Variants in VAMP1 observed in about 807,000 individuals in gnomAD.
VAMP1 encodes the protein vesicle associated membrane protein 1.
In VAMP1, 16 loss-of-function variants were observed where a neutral mutation model predicts 19.1. The ratio of observed to expected loss-of-function variants is 0.84; its 90% CI spans 0.57 to 1.27. The LOEUF (loss-of-function observed/expected upper bound fraction) is 1.27, where lower values mean the gene tolerates loss of function less well. Ranked by LOEUF, VAMP1 falls within the 50% of genes most tolerant of loss-of-function variation. The pLI is 0.00. For missense variants in VAMP1, 109 were observed against 145.4 expected, an observed-to-expected ratio of 0.75 and a Z score of 1.29; for synonymous variants, 37 against 50.2, an observed-to-expected ratio of 0.74 and a Z score of 1.11.
intron 1 of VAMP1, among the ~76,000 whole-genome samples, chr12:6,469,847 C>T (rs1945726057): frequency 6.6e-6 from 1 of 152,184 alleles, no homozygotes. Context: ...GCTCAGCTCT[C>T]CCTATTTCTC....
intron 3 of VAMP1, chr12:6,465,215 T>G (rs1489653114): frequency 4.1e-6 from 2 of 490,176 alleles, no homozygotes; most frequent in African/African-American, 4.0e-5. Context: ...TTAGAAGGCA[T>G]TCCAATAGAG....
intron 3 of VAMP1, 96 bp downstream of exon 3, chr12:6,465,746 C>T: frequency 2.0e-6 from 3 of 1,484,054 alleles, no homozygotes; most frequent in Non-Finnish European, 2.7e-6. Context: ...AGAGATCCTG[C>T]ACCATTAGAG....
rs201563012 is a variant in VAMP1 at position 6,465,466 on chromosome 12, A to AGAGTGTGT, written c.288+375_288+376insACACACTC. The AGAGTGTGT allele has an allele frequency of 2.8e-3, 289 of 103,424 alleles. 8 individuals carry two copies. The highest frequency in any genetic ancestry group is 0.013 in the African/African-American group (277 of 21,240). 6.4% of individuals were successfully genotyped at this position (103,424 alleles called of 1,614,324 possible). On this transcript the variant is annotated intron_variant, in intron 3 of 4. Coordinates refer to ENST00000396308, the MANE Select transcript of VAMP1 (RefSeq NM_014231.5). ...TGTATATATACATATGTGTATATAT[A>AGAGTGTGT]GTGTGTGTGTGTGTGTGTGTGTGTG... is the stretch of plus-strand genomic sequence containing the variant.
At chr12:6,465,460 A>AAATT (rs1949997808) in intron 3 of VAMP1, 1 of 113,238 alleles carries the variant, frequency 8.8e-6, no homozygotes, top group African/African-American at 5.0e-5. Flanking sequence ...ACATATGTGT[A>AAATT]TATATAGTGT....
intron 3 of VAMP1, chr12:6,465,400 A>AT (rs1565526164): frequency 1.1e-5 from 1 of 87,418 alleles, no homozygotes. Flanking sequence ...ATATATATAT[A>AT]AATGTATATA....
chr12:6,468,181 T>C (rs1945677559), intron 1 of VAMP1, among the ~76,000 whole-genome samples: 1 of 152,164 alleles, frequency 6.6e-6, no homozygotes, highest in African/African-American at 2.4e-5. Context: ...ACCGTGCGCC[T>C]GGAAAAGCCA....
intron 4 of VAMP1, 152 bp from the exon 5 acceptor site, chr12:6,464,638 C>A (rs1949957999): frequency 3.4e-6 from 5 of 1,457,148 alleles, no homozygotes; most frequent in African/African-American, 1.4e-5. Context: ...GCCAGTGACA[C>A]ACAGCATAGC....
chr12:6,462,655 G>C lies in VAMP1; in HGVS notation c.*1815C>G. 1.4e-6 allele frequency: 1 copy of C among 714,110 alleles called. No individual in the cohort carries two copies. Among genetic ancestry groups the C allele is most frequent in the Non-Finnish European group, 2.3e-6 (1 of 432,742 alleles). The allele number at this position is 714,110 out of a possible 1,614,324, so 44.2% of individuals were successfully genotyped here. A position where few individuals can be genotyped will look rare whatever the true frequency, so the allele number is the denominator to read the frequency against. ...GGACAGAAACCCAGGAATGATTCCT[G>C]TGATAGGGCTGGGAGAGCCAAGAGG... On this transcript the variant is annotated 3_prime_UTR_variant, in exon 5 of 5. Transcript: ENST00000396308.
chr12:6,470,634 C>T lies in VAMP1; in HGVS notation c.-103G>A, dbSNP rs1486794619. The T allele has an allele frequency of 3.3e-6, 5 of 1,516,210 alleles. No individual in the cohort carries two copies. The highest frequency in any genetic ancestry group is 2.3e-5 in the East Asian group (1 of 42,876). 93.9% of individuals were successfully genotyped at this position (1,516,210 alleles called of 1,614,324 possible). On this transcript the variant is annotated 5_prime_UTR_variant, in exon 1 of 5. Coordinates refer to ENST00000396308, the MANE Select transcript of VAMP1 (RefSeq NM_014231.5). ...AAGTGGACGGAACTGCCAAGCTCCG[C>T]CTCGCGCCGACTACCCCGCGGTCTA...
rs1949932437 is a variant in VAMP1 at position 6,463,473 on chromosome 12, C to G, written c.*997G>C. 1 of 1,043,212 alleles carries G rather than the reference C, an allele frequency of 9.6e-7. No homozygotes were observed. Among genetic ancestry groups the G allele is most frequent in the African/African-American group, 1.7e-5 (1 of 58,214 alleles). The allele number at this position is 1,043,212 out of a possible 1,614,324, so 64.6% of individuals were successfully genotyped here. A position where few individuals can be genotyped will look rare whatever the true frequency, so the allele number is the denominator to read the frequency against. On this transcript the variant is annotated 3_prime_UTR_variant, in exon 5 of 5. Coordinates refer to ENST00000396308, the MANE Select transcript of VAMP1 (RefSeq NM_014231.5). The surrounding 1 kb of genome is among the most constrained non-coding windows in gnomAD (Gnocchi z 4.0). ...TCCATGGGTGTCCAAAGATCTCACA[C>G]TGCTAACACCCTCACGCTCCTTCAT...
At position 6,466,509 on chromosome 12, in the gene VAMP1, C is replaced by G. The variant is rs1461574915; in HGVS notation, c.3-158G>C. The G allele has an allele frequency of 4.6e-6, 3 of 658,992 alleles. No individual in the cohort carries two copies. The East Asian group carries it at 9.2e-5, about 20-fold the overall frequency. The allele number at this position is 658,992 out of a possible 1,614,324, so 40.8% of individuals were successfully genotyped here. A position where few individuals can be genotyped will look rare whatever the true frequency, so the allele number is the denominator to read the frequency against. On this transcript the variant is annotated intron_variant, in intron 1 of 4. Coordinates refer to ENST00000396308, the MANE Select transcript of VAMP1 (RefSeq NM_014231.5). ...GCCAGCCTGGGCATCATAGCGAGAC[C>G]CCATCTCTAAAAAAACAGACAAAAA...
In VAMP1 at chr12:6,466,248, G is replaced by C. The variant is rs759791306; in HGVS notation, c.106C>G (p.Gln36Glu). ...ACCTCCTCCACTTGTGCCTGGGTTT[G>C]CTGTAGTCGTCTGTTACTGGTCATG... ...PNMTSNRRLQ[Q>E]TQAQVEEVVD... is the part of the protein sequence containing the mutation. The change falls in exon 2 of 5, where the codon CAA (glutamine) becomes GAA (glutamate). Residue 36 changes from glutamine (Q) to glutamate (E), a missense_variant. Gln to Glu is a conservative substitution (Grantham distance 29). Coordinates refer to ENST00000396308, the MANE Select transcript of VAMP1 (RefSeq NM_014231.5). The C allele has an allele frequency of 1.9e-6, 3 of 1,614,222 alleles. 1 individual carries two copies. The South Asian group carries it at 3.3e-5, about 18-fold the overall frequency.
At position 6,465,416 on chromosome 12, in the gene VAMP1, A is replaced by ATACATATATATAAATGTATATATATG. The variant is rs1949991547; in HGVS notation, c.288+425_288+426insCATATATATACATTTATATATATGTA. Reference sequence around the variant, plus strand: ...TATATATATAAATGTATATATATGTATATATATATATAAATGTATATATAT... The same window carrying ATACATATATATAAATGTATATATATG: ...TATATATATAAATGTATATATATGTATACATATATATAAATGTATATATATGTATATATATATAAATGTATATATAT... On this transcript the variant is annotated intron_variant, in intron 3 of 4. Coordinates refer to ENST00000396308, the MANE Select transcript of VAMP1 (RefSeq NM_014231.5). The ATACATATATATAAATGTATATATATG allele has an allele frequency of 6.4e-5, 6 of 93,482 alleles. 1 individual carries two copies. Among genetic ancestry groups the ATACATATATATAAATGTATATATATG allele is most frequent in the African/African-American group, 3.2e-4 (6 of 18,854 alleles). 5.8% of individuals were successfully genotyped at this position (93,482 alleles called of 1,614,324 possible). A position where few individuals can be genotyped will look rare whatever the true frequency, so the allele number is the denominator to read the frequency against.
chr12:6,463,492 CCTT>C lies in VAMP1; in HGVS notation c.*975_*977del. 4 of 1,038,672 alleles carry C rather than the reference CCTT, an allele frequency of 3.9e-6. No homozygotes were observed. Among genetic ancestry groups the C allele is most frequent in the Non-Finnish European group, 4.6e-6 (4 of 861,384 alleles). 64.3% of individuals were successfully genotyped at this position (1,038,672 alleles called of 1,614,324 possible). A position where few individuals can be genotyped will look rare whatever the true frequency, so the allele number is the denominator to read the frequency against. On this transcript the variant is annotated 3_prime_UTR_variant, in exon 5 of 5. Coordinates refer to ENST00000396308, the MANE Select transcript of VAMP1 (RefSeq NM_014231.5). The surrounding 1 kb of genome is among the most constrained non-coding windows in gnomAD (Gnocchi z 4.0). ...CTCACACTGCTAACACCCTCACGCTCCTTCATCAACAGGAAGAGAGGAACAGGA... is the reference window on the plus strand; with the variant it reads ...CTCACACTGCTAACACCCTCACGCTCCATCAACAGGAAGAGAGGAACAGGA...
In VAMP1 at chr12:6,463,751, G is replaced by C. The variant is rs1949937288; in HGVS notation, c.*719C>G. 5 of 1,157,526 alleles carry C rather than the reference G, an allele frequency of 4.3e-6. No homozygotes were observed. Among genetic ancestry groups the C allele is most frequent in the Non-Finnish European group, 5.4e-6 (5 of 927,660 alleles). The allele number at this position is 1,157,526 out of a possible 1,614,324, so 71.7% of individuals were successfully genotyped here. A position where few individuals can be genotyped will look rare whatever the true frequency, so the allele number is the denominator to read the frequency against. ...TGTAAAGAAGAGAAAGCTCCTTCCA[G>C]CTAGAAGCACATGGGACTGCTTCTA... On this transcript the variant is annotated 3_prime_UTR_variant, in exon 5 of 5. Coordinates refer to ENST00000396308, the MANE Select transcript of VAMP1 (RefSeq NM_014231.5). The surrounding 1 kb of genome is among the most constrained non-coding windows in gnomAD (Gnocchi z 4.0).
Position 6,465,878 on chromosome 12 carries a change from G to T in VAMP1, c.252C>A (p.Ala84=), listed in dbSNP as rs2072375. 0.31 allele frequency: 493,908 copies of T among 1,613,972 alleles called. 76,953 individuals carry two copies. Among genetic ancestry groups the T allele is most frequent in the South Asian group, 0.35 (31,775 of 91,078 alleles). Residue 84 remains alanine, a synonymous_variant, in exon 3 of 5, where the codon GCC becomes GCA. Transcript: ENST00000396308. ...TCCACCAATACTTCCTCTTTAGCTT[G>T]GCAGCACTGCTCTCAAATTGTGATG... ...AGASQFESSA[A]KLKRKYWWKN... is the part of the protein sequence containing the mutation.
At position 6,464,139 on chromosome 12, in the gene VAMP1, G is replaced by C; in HGVS notation, c.*331C>G. The C allele has an allele frequency of 7.3e-7, 1 of 1,379,278 alleles. No individual in the cohort carries two copies. Among genetic ancestry groups the C allele is most frequent in the Non-Finnish European group, 9.6e-7 (1 of 1,046,828 alleles). 85.4% of individuals were successfully genotyped at this position (1,379,278 alleles called of 1,614,324 possible). On this transcript the variant is annotated 3_prime_UTR_variant, in exon 5 of 5. Transcript: ENST00000396308. ...CTCCCAAGTCTGGGCAGCTTCATGGGTACTTCGCCTCAGCCACTCCCCTCC... is the reference window on the plus strand; with the variant it reads ...CTCCCAAGTCTGGGCAGCTTCATGGCTACTTCGCCTCAGCCACTCCCCTCC...
In VAMP1 at chr12:6,462,881, A is replaced by G; in HGVS notation, c.*1589T>C. ...AAGGGAATGTGGGAAACAAGGGCGA[A>G]AGGAAAGGAAGGATGGTTTTGAGCA... On this transcript the variant is annotated 3_prime_UTR_variant, in exon 5 of 5. Coordinates refer to ENST00000396308, the MANE Select transcript of VAMP1 (RefSeq NM_014231.5). The G allele has an allele frequency of 6.3e-7, 1 of 1,597,914 alleles. No individual in the cohort carries two copies. The highest frequency in any genetic ancestry group is 1.7e-5 in the Admixed American group (1 of 57,456).
chr12:6,468,974 A>T (rs2240866), intron 1 of VAMP1, among the ~76,000 whole-genome samples: 42,333 of 152,092 alleles, frequency 0.28, 6,154 homozygotes, highest in Middle Eastern at 0.36. Flanking sequence ...GTCACCTAAA[A>T]GGAAATTATT....
Sources: gnomAD v4.1 joint callset for allele counts (sites outside exome capture counted in the v4.1 genomes callset) on GRCh38, gnomAD v4.1.1 for gene constraint, Gnocchi (gnomAD v3.1) non-coding constraint, MANE v1.5 for transcripts, NCBI Gene and HGNC (gene_info 2026-07-23, HGNC 2026-07-21) for gene names.